The following DNMBP variants were observed in gnomAD, a reference collection of about 807,000 sequenced individuals.
The protein encoded by DNMBP is dynamin-binding protein.
In DNMBP, 87 loss-of-function variants were observed where a neutral mutation model predicts 150.0. The observed-to-expected ratio is 0.58, with a 90% CI of 0.49 to 0.69. The LOEUF is 0.69. Among genes scored for constraint, DNMBP ranks in the 30% least tolerant of loss-of-function variants. The pLI is 0.00. For synonymous variants in DNMBP, 711 were observed against 750.4 expected, an observed-to-expected ratio of 0.95 and a Z score of 0.86; for missense variants, 1,774 against 1,949.0, an observed-to-expected ratio of 0.91 and a Z score of 1.69.
intron 11 of DNMBP, among the ~76,000 whole-genome samples, chr10:99,892,006 C>T (rs1187824461): frequency 3.7e-5 from 5 of 135,514 alleles, no homozygotes; most frequent in South Asian, 4.7e-4. Context: ...AGTGAGGAGC[C>T]CCTCTGCCCG....
chr10:100,006,895 C>T (rs1281685161), intron 1 of DNMBP, among the ~76,000 whole-genome samples: 2 of 152,166 alleles, frequency 1.3e-5, no homozygotes, highest in Non-Finnish European at 2.9e-5. Context: ...GGGTGGATCG[C>T]TTGAGGCCAG....
At chr10:99,943,152 G>A (rs867744190) in intron 4 of DNMBP, among the ~76,000 whole-genome samples, 1 of 152,090 alleles carries the variant, frequency 6.6e-6, no homozygotes, top group Non-Finnish European at 1.5e-5. Flanking sequence ...GGGCATGGTG[G>A]CGGGCACCTG....
chr10:99,888,830 T>C lies in DNMBP; in HGVS notation c.3280A>G (p.Asn1094Asp), dbSNP rs2039512023. The C allele has an allele frequency of 1.9e-6, 3 of 1,613,922 alleles. No individual in the cohort carries two copies. In the East Asian group the frequency reaches 6.7e-5, roughly 36 times the overall value. ...TTGAAGAAAAAGTTACTTACAAAGTTTGTGAAGAGCTGGTCACTGATGTAG... is the reference window on the plus strand; with the variant it reads ...TTGAAGAAAAAGTTACTTACAAAGTCTGTGAAGAGCTGGTCACTGATGTAG... ...HRYISDQLFT[N>D]FKERTERLVI... is the part of the protein sequence containing the mutation. The change falls in exon 12 of 17, where the codon AAC becomes GAC. Residue 1094 changes from asparagine to aspartate, a missense_variant. Coordinates refer to ENST00000324109, the MANE Select transcript of DNMBP (RefSeq NM_015221.4).
intron 11 of DNMBP, 123 bp downstream of exon 11, chr10:99,894,823 T>A: frequency 1.5e-6 from 1 of 673,546 alleles, no homozygotes. Flanking sequence ...AAAAGTATGA[T>A]GGGGCATAAT....
At chr10:99,950,256 C>T (rs1232234103) in intron 4 of DNMBP, among the ~76,000 whole-genome samples, 1 of 152,178 alleles carries the variant, frequency 6.6e-6, no homozygotes, top group African/African-American at 2.4e-5. Context: ...GATTGTGAGG[C>T]CTCCCCAACA....
chr10:99,895,077 A>G, intron 10 of DNMBP, 27 bp from the exon 11 acceptor site: 3 of 1,410,818 alleles, frequency 2.1e-6, no homozygotes, highest in South Asian at 1.2e-5. Context: ...AAGTGCTGTT[A>G]GCAAATCTGG....
At chr10:99,967,079 T>C (rs1589442955) in intron 3 of DNMBP, among the ~76,000 whole-genome samples, 1 of 151,582 alleles carries the variant, frequency 6.6e-6, no homozygotes, top group Non-Finnish European at 1.5e-5. Flanking sequence ...ATTACAGGCA[T>C]GAGCCACTAT....
intron 4 of DNMBP, among the ~76,000 whole-genome samples, chr10:99,952,137 G>C (rs1435883815): frequency 6.6e-6 from 1 of 152,144 alleles, no homozygotes; most frequent in African/African-American, 2.4e-5. Context: ...ATCCATGTAA[G>C]ACGTGACTTG....
chr10:99,972,446 T>C (rs935142069), intron 1 of DNMBP, among the ~76,000 whole-genome samples: 7 of 151,960 alleles, frequency 4.6e-5, no homozygotes, highest in African/African-American at 1.7e-4. Flanking sequence ...ATTTTTTGTA[T>C]TTTTACTAGA....
At chr10:99,893,222 G>A (rs538987938) in intron 11 of DNMBP, among the ~76,000 whole-genome samples, 4 of 152,178 alleles carry the variant, frequency 2.6e-5, no homozygotes, top group East Asian at 1.9e-4. Flanking sequence ...GACATTTAAC[G>A]GTAGTTGTCA....
At chr10:99,973,013 C>T (rs2040694547) in intron 1 of DNMBP, among the ~76,000 whole-genome samples, 1 of 152,182 alleles carries the variant, frequency 6.6e-6, no homozygotes, top group Admixed American at 6.5e-5. Context: ...AACTCCTGGC[C>T]TCAAGTGATC....
chr10:99,895,604 C>T (rs1333038706), intron 10 of DNMBP, among the ~76,000 whole-genome samples: 2 of 152,214 alleles, frequency 1.3e-5, no homozygotes, highest in Middle Eastern at 3.2e-3. Flanking sequence ...CTGCCCTCTT[C>T]ACCCCAGCAC....
chr10:99,933,712 G>T (rs1341223538), intron 4 of DNMBP, among the ~76,000 whole-genome samples: 1 of 152,130 alleles, frequency 6.6e-6, no homozygotes, highest in East Asian at 1.9e-4. Flanking sequence ...GGCCAGAGGG[G>T]GAAAAATCAC....
intron 4 of DNMBP, among the ~76,000 whole-genome samples, chr10:99,931,452 G>T (rs952284133): frequency 6.6e-6 from 1 of 152,136 alleles, no homozygotes; most frequent in Admixed American, 6.5e-5. Flanking sequence ...ACGACTGAAG[G>T]AAGAAAAAGT....
At chr10:99,880,434 A>G (rs1374989798) in intron 15 of DNMBP, 73 bp from the exon 16 acceptor site, 1 of 1,439,328 alleles carries the variant, frequency 6.9e-7, no homozygotes, top group Admixed American at 2.8e-5. Flanking sequence ...GCATTGAGAG[A>G]AAAAAAACTG....
At chr10:99,908,799 G>A (rs538609575) in intron 5 of DNMBP, among the ~76,000 whole-genome samples, 154 bp downstream of exon 5, 14 of 152,176 alleles carry the variant, frequency 9.2e-5, no homozygotes, top group Non-Finnish European at 1.9e-4. Context: ...GATGACACAC[G>A]TATGTTGAGG....
intron 3 of DNMBP, among the ~76,000 whole-genome samples, chr10:99,965,968 T>G (rs1193871246): frequency 6.6e-6 from 1 of 152,230 alleles, no homozygotes; most frequent in East Asian, 1.9e-4. Context: ...CTGATAAACT[T>G]GCATATCTGG....
At chr10:100,003,906 A>G (rs2041041596) in intron 1 of DNMBP, among the ~76,000 whole-genome samples, 1 of 152,070 alleles carries the variant, frequency 6.6e-6, no homozygotes, top group African/African-American at 2.4e-5. Context: ...TAATTTATAA[A>G]CTCAATAAAC....
At position 99,993,659 on chromosome 10, in the gene DNMBP, G is replaced by A. The variant is rs537756675; in HGVS notation, c.-11+16179C>T. Reference sequence around the variant, plus strand: ...TACAAAAATTTATTAAAAATTAGCTGGGCATGCTGGTGTGCACCTGTAGTC... The same window carrying A: ...TACAAAAATTTATTAAAAATTAGCTAGGCATGCTGGTGTGCACCTGTAGTC... On this transcript the variant is annotated intron_variant, in intron 1 of 16. Transcript: ENST00000324109. Among the ~76,000 whole-genome samples the A allele has an allele frequency of 1.2e-4, 19 of 152,160 alleles. No homozygotes were observed. The East Asian group carries it at 2.5e-3, about 20-fold the overall frequency.
Sources: gnomAD v4.1 joint callset for allele counts (sites outside exome capture counted in the v4.1 genomes callset) on GRCh38, gnomAD v4.1.1 for gene constraint, MANE v1.5 for transcripts, NCBI Gene and HGNC (gene_info 2026-07-23, HGNC 2026-07-21) for gene names.